RAD51B: variants seen among roughly 807,000 people sequenced by gnomAD.
The protein encoded by RAD51B is RAD51 paralog B.
RAD51B carries 38 observed loss-of-function variants against 42.2 expected under a neutral mutation model. That is an observed-to-expected ratio of 0.90 (90% CI 0.70 to 1.18). RAD51B has a LOEUF of 1.18. Among genes scored for constraint, RAD51B ranks in the 50% most tolerant of loss-of-function variants. The probability of loss-of-function intolerance (pLI) is 0.00; values close to 1 mark genes in which losing one functional copy is unlikely to be tolerated. For synonymous variants in RAD51B, 154 were observed against 145.2 expected, an observed-to-expected ratio of 1.06 and a Z score of -0.43; for missense variants, 373 against 400.7, an observed-to-expected ratio of 0.93 and a Z score of 0.59.
In RAD51B at chr14:68,426,132, G is replaced by A. The variant is rs148370012; in HGVS notation, c.957+14605G>A. ...TGCCTGGGCTGGAGTGCAATGGCAC[G>A]ATCTCGGCTCACCACAACCTCCGCC... On this transcript the variant is annotated intron_variant, in intron 9 of 10. Transcript: ENST00000471583. 2.7e-3 allele frequency among the ~76,000 whole-genome samples: 410 copies of A among 150,818 alleles called. 4 individuals carry two copies. Among genetic ancestry groups the A allele is most frequent in the African/African-American group, 9.5e-3 (388 of 40,954 alleles).
At chr14:68,383,088 C>T (rs1018844002) in intron 8 of RAD51B, among the ~76,000 whole-genome samples, 1 of 152,062 alleles carries the variant, frequency 6.6e-6, no homozygotes, top group African/African-American at 2.4e-5. Flanking sequence ...TAGAAGGAAC[C>T]AAGGACTCTT....
chr14:68,557,583 A>G (rs1332543057), intron 10 of RAD51B, among the ~76,000 whole-genome samples: 5 of 152,208 alleles, frequency 3.3e-5, no homozygotes, highest in African/African-American at 7.2e-5. Context: ...GAGCCCCTAA[A>G]TCATTGCTGA....
chr14:68,111,385 T>A (rs2077457010), intron 7 of RAD51B, among the ~76,000 whole-genome samples: 1 of 152,014 alleles, frequency 6.6e-6, no homozygotes, highest in African/African-American at 2.4e-5. Context: ...AGGCCAGGAA[T>A]AAGTTTTCAG....
chr14:68,599,433 C>T (rs899504199), downstream of RAD51B, among the ~76,000 whole-genome samples: 1 of 152,092 alleles, frequency 6.6e-6, no homozygotes, highest in Non-Finnish European at 1.5e-5. Flanking sequence ...TGAGTAGGCT[C>T]CCAAATGGGT....
chr14:68,398,183 T>A (rs1287733955), intron 8 of RAD51B, among the ~76,000 whole-genome samples: 1 of 152,248 alleles, frequency 6.6e-6, no homozygotes, highest in Non-Finnish European at 1.5e-5. Flanking sequence ...CAGCTCTCCC[T>A]CTGACCAGGT....
chr14:68,634,480 G>A (rs909238226), intron 10 of RAD51B, among the ~76,000 whole-genome samples: 2 of 152,034 alleles, frequency 1.3e-5, no homozygotes, highest in South Asian at 4.1e-4. Context: ...TCAAAAGCCC[G>A]TCGCCTTTGC....
chr14:68,444,074 A>C (rs983235980), intron 9 of RAD51B, among the ~76,000 whole-genome samples: 1 of 152,170 alleles, frequency 6.6e-6, no homozygotes. Flanking sequence ...TCATGATTCT[A>C]TCTCTTACAT....
intron 9 of RAD51B, among the ~76,000 whole-genome samples, chr14:68,430,999 C>T (rs111873917): frequency 0.48 from 73,698 of 152,000 alleles, 18,932 homozygotes; most frequent in African/African-American, 0.66. Context: ...TCTGCATCTA[C>T]CGATATAATC....
At chr14:68,574,777 G>A (rs1325995941) in intron 10 of RAD51B, among the ~76,000 whole-genome samples, 1 of 152,140 alleles carries the variant, frequency 6.6e-6, no homozygotes, top group Non-Finnish European at 1.5e-5. Flanking sequence ...TTTCATGGCT[G>A]GCAGCAAGGC....
Position 68,384,931 on chromosome 14 carries a change from T to C in RAD51B, c.854-26493T>C, listed in dbSNP as rs553075885. Among the ~76,000 whole-genome samples, 5 of 152,312 alleles carry C rather than the reference T, an allele frequency of 3.3e-5. No individual in the cohort carries two copies. The South Asian group carries it at 1.0e-3, about 32-fold the overall frequency. On this transcript the variant is annotated intron_variant, in intron 8 of 10. Coordinates refer to ENST00000471583, the MANE Select transcript of RAD51B (RefSeq NM_133510.4). ...TTATAGCTCCTTTTATGTAGGATGATTACTCTGTGGCCATGACCTTCTGGG... is the reference window on the plus strand; with the variant it reads ...TTATAGCTCCTTTTATGTAGGATGACTACTCTGTGGCCATGACCTTCTGGG...
intron 7 of RAD51B, among the ~76,000 whole-genome samples, chr14:68,221,245 C>G (rs1351921826): frequency 1.3e-5 from 2 of 152,230 alleles, no homozygotes; most frequent in South Asian, 4.1e-4. Flanking sequence ...CAAAGCAATA[C>G]TAAGCATAAA....
chr14:67,878,063 C>T (rs1471088644), intron 5 of RAD51B, among the ~76,000 whole-genome samples: 3 of 152,192 alleles, frequency 2.0e-5, no homozygotes, highest in Admixed American at 2.0e-4. Flanking sequence ...TATTGTCTTA[C>T]AGTTTTTTCC....
chr14:67,926,630 C>G (rs925877390), intron 7 of RAD51B, among the ~76,000 whole-genome samples: 1 of 120,238 alleles, frequency 8.3e-6, no homozygotes, highest in Non-Finnish European at 1.6e-5. Context: ...GTGGTGTGAT[C>G]TTGGCTCACT....
chr14:67,967,986 T>C (rs1315000796), intron 7 of RAD51B, among the ~76,000 whole-genome samples: 1 of 152,234 alleles, frequency 6.6e-6, no homozygotes, highest in Non-Finnish European at 1.5e-5. Context: ...GGTGTTTCCA[T>C]ACTTCTTCTG....
chr14:68,115,633 G>A (rs960264922), intron 7 of RAD51B, among the ~76,000 whole-genome samples: 7 of 150,744 alleles, frequency 4.6e-5, no homozygotes, highest in Non-Finnish European at 8.9e-5. Flanking sequence ...CCAAGCTGTT[G>A]TAAGTCAAAC....
chr14:68,063,701 A>C (rs1019939230), intron 7 of RAD51B, among the ~76,000 whole-genome samples: 1 of 152,142 alleles, frequency 6.6e-6, no homozygotes, highest in Non-Finnish European at 1.5e-5. Context: ...GTGCCACAGC[A>C]CTCCAGCCTG....
intron 5 of RAD51B, among the ~76,000 whole-genome samples, chr14:67,876,614 G>C (rs1461138331): frequency 6.6e-6 from 1 of 152,112 alleles, no homozygotes; most frequent in East Asian, 1.9e-4. Flanking sequence ...ACTAAAATGT[G>C]GCCTAGAACT....
intron 10 of RAD51B, among the ~76,000 whole-genome samples, chr14:68,507,403 T>C (rs531576947): frequency 1.4e-4 from 21 of 152,294 alleles, no homozygotes; most frequent in African/African-American, 4.8e-4. Flanking sequence ...GGCTCAGCTT[T>C]GTTTGGTAGC....
intron 8 of RAD51B, among the ~76,000 whole-genome samples, chr14:68,294,182 AG>A (rs1238530402): frequency 6.6e-6 from 1 of 152,254 alleles, no homozygotes; most frequent in Non-Finnish European, 1.5e-5. Flanking sequence ...AAATTGCTTC[AG>A]GGTTGCAGTA....
Sources: allele counts gnomAD v4.1 joint callset (sites outside exome capture counted in the v4.1 genomes callset), GRCh38; gene constraint gnomAD v4.1.1; transcripts MANE v1.5; gene names NCBI Gene and HGNC (gene_info 2026-07-23, HGNC 2026-07-21).